The following ZFHX3 variants were observed in gnomAD, a reference collection of about 807,000 sequenced individuals.
The protein encoded by ZFHX3 is zinc finger homeobox protein 3.
In ZFHX3, 42 loss-of-function variants were observed where a neutral mutation model predicts 279.1. The ratio of observed to expected loss-of-function variants is 0.15; its 90% CI spans 0.12 to 0.19. ZFHX3 has a LOEUF of 0.19. Ranked by LOEUF, ZFHX3 falls within the 10% of genes least tolerant of loss-of-function variation. The pLI is 1.00. For missense variants in ZFHX3, 4,981 were observed against 4,754.0 expected, an observed-to-expected ratio of 1.05 and a Z score of -1.40; for synonymous variants, 2,293 against 1,957.8, an observed-to-expected ratio of 1.17 and a Z score of -4.52.
chr16:73,330,031 G>A (rs2015769836), intron 3 of ZFHX3, among the ~76,000 whole-genome samples: 1 of 152,154 alleles, frequency 6.6e-6, no homozygotes, highest in Non-Finnish European at 1.5e-5. Flanking sequence ...CACTCTTCAT[G>A]GCATGCCCCA....
At chr16:73,202,234 C>T (rs375038189) in intron 5 of ZFHX3, among the ~76,000 whole-genome samples, 1 of 152,194 alleles carries the variant, frequency 6.6e-6, no homozygotes, top group African/African-American at 2.4e-5. Flanking sequence ...CTCAATATTT[C>T]TGAGCCCTTG....
chr16:73,580,173 T>A (rs903021069), intron 2 of ZFHX3, among the ~76,000 whole-genome samples: 1 of 151,768 alleles, frequency 6.6e-6, no homozygotes, highest in African/African-American at 2.4e-5. Context: ...TTAGCTGGAA[T>A]TTTTCTTTGT....
chr16:72,882,980 GTGTGTGTGTGTGTGT>G (rs1567563244), intron 4 of ZFHX3, among the ~76,000 whole-genome samples: 945 of 35,492 alleles, frequency 0.027, 23 homozygotes, highest in Middle Eastern at 0.033. Context: ...ACTCTGGGGT[GTGTGTGTGTGTGTGT>G]GTGTGTGTGT....
chr16:73,073,476 A>G (rs1446232392), intron 8 of ZFHX3, among the ~76,000 whole-genome samples: 1 of 152,214 alleles, frequency 6.6e-6, no homozygotes, highest in African/African-American at 2.4e-5. Flanking sequence ...TCTAAATGTC[A>G]TAGGCCAAGG....
At chr16:73,163,636 C>T (rs1050644916) in intron 5 of ZFHX3, among the ~76,000 whole-genome samples, 6 of 152,080 alleles carry the variant, frequency 3.9e-5, no homozygotes, top group Non-Finnish European at 8.8e-5. Context: ...AGTGAAAGGA[C>T]AATAGTAAGT....
At chr16:73,248,645 A>ATGTGTGTGTGTG (rs145260850) in intron 5 of ZFHX3, among the ~76,000 whole-genome samples, 3,787 of 149,056 alleles carry the variant, frequency 0.025, 135 homozygotes, top group South Asian at 0.078. Context: ...TGGAGAATGT[A>ATGTGTGTGTGTG]TGTGTGTGTG....
chr16:72,909,570 T>TA (rs1305778680), intron 3 of ZFHX3, among the ~76,000 whole-genome samples: 4 of 152,168 alleles, frequency 2.6e-5, no homozygotes, highest in African/African-American at 9.7e-5. Flanking sequence ...ATAAGTTTCT[T>TA]ACAATTTTTG....
intron 5 of ZFHX3, among the ~76,000 whole-genome samples, chr16:72,817,615 A>G (rs2036651587): frequency 6.6e-6 from 1 of 152,190 alleles, no homozygotes; most frequent in Non-Finnish European, 1.5e-5. Context: ...TACGATGCAG[A>G]CCATTCTCCC....
chr16:73,171,662 T>C (rs1383229184), intron 5 of ZFHX3, among the ~76,000 whole-genome samples: 1 of 152,222 alleles, frequency 6.6e-6, no homozygotes, highest in Admixed American at 6.5e-5. Flanking sequence ...TTGCCATCTG[T>C]TGACACACCC....
At chr16:73,256,405 T>C (rs977089846) in intron 5 of ZFHX3, among the ~76,000 whole-genome samples, 16 of 152,242 alleles carry the variant, frequency 1.1e-4, no homozygotes, top group African/African-American at 3.4e-4. Flanking sequence ...GAATTGAATG[T>C]ACATGTGAAC....
chr16:72,872,104 C>A (rs28615750), intron 4 of ZFHX3, among the ~76,000 whole-genome samples: 10 of 150,256 alleles, frequency 6.7e-5, no homozygotes, highest in Admixed American at 4.6e-4. Flanking sequence ...AAACAAAAAA[C>A]AAAAAAAAAA....
chr16:73,505,163 C>A (rs905713450), intron 2 of ZFHX3, among the ~76,000 whole-genome samples: 3 of 152,086 alleles, frequency 2.0e-5, no homozygotes, highest in African/African-American at 7.2e-5. Context: ...GGAAAATATT[C>A]ATCAACCCGA....
chr16:72,934,740 A>G (rs1960021736), intron 3 of ZFHX3, among the ~76,000 whole-genome samples: 1 of 152,182 alleles, frequency 6.6e-6, no homozygotes, highest in Non-Finnish European at 1.5e-5. Context: ...TACGTATCAC[A>G]GTAATACAGT....
chr16:73,545,198 C>T (rs1176732804), intron 2 of ZFHX3, among the ~76,000 whole-genome samples: 1 of 152,156 alleles, frequency 6.6e-6, no homozygotes, highest in Non-Finnish European at 1.5e-5. Flanking sequence ...TCTCAGACCC[C>T]CATAATGACA....
intron 4 of ZFHX3, among the ~76,000 whole-genome samples, chr16:73,280,009 C>A (rs1045941951): frequency 6.6e-6 from 1 of 152,068 alleles, no homozygotes; most frequent in Non-Finnish European, 1.5e-5. Flanking sequence ...ACCAAGAATA[C>A]ACAATAGGAA....
intron 1 of ZFHX3, among the ~76,000 whole-genome samples, chr16:73,765,908 A>G (rs328367): frequency 0.52 from 78,994 of 151,742 alleles, 21,715 homozygotes; most frequent in African/African-American, 0.71. Flanking sequence ...GAGACTGGCT[A>G]CTGTGACTGA....
intron 5 of ZFHX3, among the ~76,000 whole-genome samples, chr16:72,821,773 C>T (rs966939754): frequency 6.6e-6 from 1 of 152,124 alleles, no homozygotes; most frequent in Non-Finnish European, 1.5e-5. Flanking sequence ...GTGCCGCTAG[C>T]CAGAGATCAG....
intron 2 of ZFHX3, among the ~76,000 whole-genome samples, chr16:73,626,683 A>C (rs575604981): frequency 5.9e-5 from 9 of 151,440 alleles, no homozygotes; most frequent in African/African-American, 2.2e-4. Flanking sequence ...TCTGCCAAAC[A>C]CTCTTTCTAC....
chr16:73,807,619 A>ATTTTTTTTTTTTT (rs1960314019), intron 1 of ZFHX3, among the ~76,000 whole-genome samples: 4 of 93,698 alleles, frequency 4.3e-5, no homozygotes, highest in African/African-American at 2.4e-4. Flanking sequence ...ACCATGCCCC[A>ATTTTTTTTTTTTT]ATTTTTTTTT....
Sources: gnomAD v4.1 joint callset for allele counts (sites outside exome capture counted in the v4.1 genomes callset) on GRCh38, gnomAD v4.1.1 for gene constraint, MANE v1.5 for transcripts, NCBI Gene and HGNC (gene_info 2026-07-23, HGNC 2026-07-21) for gene names.